The following ART3 variants were observed in gnomAD, a reference collection of about 807,000 sequenced individuals.
ART3 encodes the protein ecto-ADP-ribosyltransferase 3.
In ART3, 49 loss-of-function variants were observed where a neutral mutation model predicts 48.5. The ratio of observed to expected loss-of-function variants is 1.01; its 90% CI spans 0.80 to 1.28. The LOEUF is 1.28. Among genes scored for constraint, ART3 ranks in the 50% most tolerant of loss-of-function variants. ART3 has a pLI of 0.00. For synonymous variants in ART3, 145 were observed against 157.2 expected (o/e 0.92, Z 0.58); for missense variants, 438 against 454.3 (o/e 0.96, Z 0.33).
At chr4:76,098,918 C>T in intron 4 of ART3, 37 bp from the exon 5 acceptor site, 3 of 1,556,806 alleles carry the variant, frequency 1.9e-6, no homozygotes, top group South Asian at 2.2e-5. Context: ...CACATCTGAG[C>T]ATAGTACCAT....
chr4:76,017,823 A>C (rs1732404131), intron 1 of ART3, among the ~76,000 whole-genome samples: 1 of 152,236 alleles, frequency 6.6e-6, no homozygotes, highest in South Asian at 2.1e-4. Flanking sequence ...CTCCATGGGC[A>C]TCCACTGAGT....
chr4:76,100,954 A>G (rs1428311714), intron 7 of ART3, 36 bp from the exon 8 acceptor site: 1 of 1,609,774 alleles, frequency 6.2e-7, no homozygotes, highest in African/African-American at 1.3e-5. Flanking sequence ...CTTTTGTTCC[A>G]TTGTTAAAAC....
intron 1 of ART3, chr4:76,022,347 CA>C (rs1732924045): frequency 1.3e-6 from 2 of 1,597,754 alleles, no homozygotes; most frequent in Non-Finnish European, 1.7e-6. Flanking sequence ...AATTCTTCTG[CA>C]GGCAACAGCA....
intron 1 of ART3, among the ~76,000 whole-genome samples, chr4:76,028,647 A>G (rs980224285): frequency 2.6e-5 from 4 of 152,182 alleles, no homozygotes; most frequent in South Asian, 4.1e-4. Context: ...AGTATGGGAG[A>G]GCAGGGCAAA....
At chr4:76,088,987 T>C (rs1724228389) in intron 3 of ART3, among the ~76,000 whole-genome samples, 3 of 152,302 alleles carry the variant, frequency 2.0e-5, no homozygotes, top group South Asian at 4.2e-4. Flanking sequence ...AAACCAAGTA[T>C]ATGTGAAAAT....
chr4:76,029,210 T>C (rs905353276), intron 1 of ART3, among the ~76,000 whole-genome samples: 1 of 152,218 alleles, frequency 6.6e-6, no homozygotes, highest in African/African-American at 2.4e-5. Context: ...TGTTATTCCA[T>C]ATTTTAGATT....
chr4:76,072,226 G>A (rs1255497639), upstream of ART3, among the ~76,000 whole-genome samples: 2 of 152,188 alleles, frequency 1.3e-5, no homozygotes, highest in African/African-American at 4.8e-5. Flanking sequence ...TATCTTTATA[G>A]ATCATTTCCA....
At chr4:76,057,368 C>T (rs1434255248) in intron 1 of ART3, among the ~76,000 whole-genome samples, 1 of 152,090 alleles carries the variant, frequency 6.6e-6, no homozygotes, top group Non-Finnish European at 1.5e-5. Flanking sequence ...TTCCAATGTT[C>T]CAATTGGTTC....
chr4:76,081,998 A>G lies in ART3; in HGVS notation c.244A>G (p.Thr82Ala). Residue 82 changes from threonine (T) to alanine (A), a missense_variant, in exon 3 of 12, where the codon ACT becomes GCT. Transcript: ENST00000355810. ...NAKAKWAARK[T>A]QIFLPMNFKD... ...AAAAGCCAAATGGGCAGCCCGAAAGACTCAAATCTTTCTCCCTATGAATTT... is the reference window on the plus strand; with the variant it reads ...AAAAGCCAAATGGGCAGCCCGAAAGGCTCAAATCTTTCTCCCTATGAATTT... 6 of 1,614,154 alleles carry G rather than the reference A, an allele frequency of 3.7e-6. No individual in the cohort carries two copies. Among genetic ancestry groups the G allele is most frequent in the Non-Finnish European group, 3.4e-6 (4 of 1,180,028 alleles).
chr4:76,096,571 G>A (rs62318913), intron 3 of ART3, among the ~76,000 whole-genome samples: 19,487 of 152,186 alleles, frequency 0.13, 1,703 homozygotes, highest in African/African-American at 0.24. Context: ...CCTTTGTTAT[G>A]CATTCTGGTA....
intron 11 of ART3, among the ~76,000 whole-genome samples, chr4:76,110,747 G>A (rs1729321532): frequency 6.6e-6 from 1 of 151,684 alleles, no homozygotes; most frequent in Non-Finnish European, 1.5e-5. Flanking sequence ...ACTTATACAT[G>A]GATTTTTTTT....
At chr4:76,035,513 T>C (rs2149407469) in intron 1 of ART3, among the ~76,000 whole-genome samples, 1 of 152,340 alleles carries the variant, frequency 6.6e-6, no homozygotes, top group Non-Finnish European at 1.5e-5. Context: ...ATGTTGATTA[T>C]TTTCTCATTA....
intron 1 of ART3, among the ~76,000 whole-genome samples, chr4:76,042,035 C>T (rs557073971): frequency 2.5e-4 from 38 of 152,180 alleles, no homozygotes; most frequent in Non-Finnish European, 3.2e-4. Flanking sequence ...GGTTCACCCA[C>T]TTAAATAAGT....
chr4:76,091,827 A>T (rs1724973739), intron 3 of ART3, among the ~76,000 whole-genome samples: 1 of 151,992 alleles, frequency 6.6e-6, no homozygotes, highest in Non-Finnish European at 1.5e-5. Context: ...GACTACAGGC[A>T]TGTGCCATCA....
chr4:76,092,154 T>A (rs1377174170), intron 3 of ART3, among the ~76,000 whole-genome samples: 2 of 152,240 alleles, frequency 1.3e-5, no homozygotes, highest in East Asian at 3.8e-4. Flanking sequence ...AATTTCTGCT[T>A]GGATTTTGAT....
At position 76,098,974 on chromosome 4, in the gene ART3, T is replaced by C. The variant is rs1444514054; in HGVS notation, c.834T>C (p.Tyr278=). 1.9e-6 allele frequency: 3 copies of C among 1,609,480 alleles called. No homozygotes were observed. The highest frequency in any genetic ancestry group is 2.7e-5 in the African/African-American group (2 of 74,820). ...IENLEYFQPI[Y]VYNPGEKNQK... ...TTTCAGAATATTTTCAACCCATCTA[T>C]GTCTACAACCCTGGTGAGTATGTTC... is the stretch of plus-strand genomic sequence containing the variant. The change falls in exon 5 of 12, where the codon TAT becomes TAC. Residue 278 remains tyrosine (Y), a synonymous_variant. Transcript: ENST00000355810.
intron 6 of ART3, among the ~76,000 whole-genome samples, 166 bp from the exon 7 acceptor site, chr4:76,100,629 C>CAAAA (rs71659303): frequency 8.0e-5 from 7 of 88,038 alleles, no homozygotes; most frequent in Admixed American, 2.6e-4. Flanking sequence ...GGCTCCGTCT[C>CAAAA]AAAAAAAAAA....
intron 1 of ART3, among the ~76,000 whole-genome samples, chr4:76,050,564 C>A (rs558197447): frequency 6.6e-6 from 1 of 152,370 alleles, no homozygotes; most frequent in East Asian, 1.9e-4. Flanking sequence ...TCCATGTTCC[C>A]ACCAGACTCA....
chr4:76,087,552 G>A (rs1723876800), intron 3 of ART3, among the ~76,000 whole-genome samples: 1 of 152,084 alleles, frequency 6.6e-6, no homozygotes, highest in Non-Finnish European at 1.5e-5. Flanking sequence ...AAAAGACAAT[G>A]TTTCTAAAAG....
Sources: gnomAD v4.1 joint callset for allele counts (sites outside exome capture counted in the v4.1 genomes callset) on GRCh38, gnomAD v4.1.1 for gene constraint, MANE v1.5 for transcripts, NCBI Gene and HGNC (gene_info 2026-07-23, HGNC 2026-07-21) for gene names.